Variants in DEFB116 observed in about 807,000 individuals in gnomAD.
DEFB116 encodes defensin beta 116, also known as beta-defensin 116.
DEFB116 carries 5 observed loss-of-function variants against 2.8 expected under a neutral mutation model. The observed-to-expected ratio is 1.80, with a 90% confidence interval of 0.94 to 3.79. The LOEUF (loss-of-function observed/expected upper bound fraction) is 3.79, where lower values mean the gene tolerates loss of function less well. Ranked by LOEUF, DEFB116 falls within the 30% of genes most tolerant of loss-of-function variation. DEFB116 has a pLI of 0.00. For missense variants in DEFB116, 170 were observed against 118.0 expected (o/e 1.44, Z -2.04); for synonymous variants, 56 against 40.8 (o/e 1.37, Z -1.42).
chr20:31,308,445 A>C, intron 1 of DEFB116, 74 bp downstream of exon 1: 2 of 1,451,148 alleles, frequency 1.4e-6, no homozygotes, highest in Non-Finnish European at 9.7e-7. Flanking sequence ...TGTGAGTAGG[A>C]GTCACTGCAG....
At chr20:31,306,811 A>G (rs1363293478) in intron 1 of DEFB116, among the ~76,000 whole-genome samples, 1 of 152,106 alleles carries the variant, frequency 6.6e-6, no homozygotes, top group Non-Finnish European at 1.5e-5. Flanking sequence ...GACTGCTCCC[A>G]TATCTCTCTG....
At chr20:31,305,691 T>C (rs1258974602) in intron 1 of DEFB116, among the ~76,000 whole-genome samples, 1 of 151,944 alleles carries the variant, frequency 6.6e-6, no homozygotes, top group Non-Finnish European at 1.5e-5. Context: ...CCATGCTATA[T>C]TTTAACCCTC....
intron 1 of DEFB116, among the ~76,000 whole-genome samples, chr20:31,306,432 G>C (rs1192772856): frequency 2.0e-5 from 3 of 152,270 alleles, no homozygotes; most frequent in South Asian, 4.1e-4. Flanking sequence ...ATTCTGCCAA[G>C]TAAAAGTACT....
chr20:31,307,278 G>A (rs1292770170), intron 1 of DEFB116, among the ~76,000 whole-genome samples: 2 of 152,036 alleles, frequency 1.3e-5, no homozygotes, highest in African/African-American at 4.8e-5. Flanking sequence ...TTAACTATAG[G>A]AACTGTGTTG....
intron 1 of DEFB116, 129 bp downstream of exon 1, chr20:31,308,390 T>C (rs575663310): frequency 1.2e-6 from 1 of 813,664 alleles, no homozygotes; most frequent in Non-Finnish European, 2.1e-6. Context: ...ATAACATCTG[T>C]GACCCACCTG....
At chr20:31,304,900 T>C (rs936469236) in intron 1 of DEFB116, among the ~76,000 whole-genome samples, 1 of 152,108 alleles carries the variant, frequency 6.6e-6, no homozygotes, top group Non-Finnish European at 1.5e-5. Context: ...ATGAATACTT[T>C]GCTAATTTTT....
At chr20:31,306,336 T>C (rs916343562) in intron 1 of DEFB116, among the ~76,000 whole-genome samples, 10 of 152,174 alleles carry the variant, frequency 6.6e-5, no homozygotes, top group African/African-American at 1.9e-4. Flanking sequence ...TTTAATTTCA[T>C]ATGCATACAT....
At chr20:31,307,923 C>T (rs1389196442) in intron 1 of DEFB116, among the ~76,000 whole-genome samples, 1 of 151,922 alleles carries the variant, frequency 6.6e-6, no homozygotes, top group Admixed American at 6.6e-5. Flanking sequence ...AGCCACCCAA[C>T]CCCATTCACA....
intron 1 of DEFB116, among the ~76,000 whole-genome samples, chr20:31,304,522 A>G (rs1418316979): frequency 6.6e-6 from 1 of 152,090 alleles, no homozygotes; most frequent in Non-Finnish European, 1.5e-5. Context: ...GCATTCTCAT[A>G]GCTTATACTT....
chr20:31,303,971 A>G (rs190621329), intron 1 of DEFB116, among the ~76,000 whole-genome samples: 5 of 152,252 alleles, frequency 3.3e-5, no homozygotes, highest in Non-Finnish European at 7.4e-5. Context: ...TCTGAAACAT[A>G]GGAGCAAACA....
rs112694212 is a variant in DEFB116 at position 31,303,434 on chromosome 20, G to A, written c.87C>T (p.His29=). 5.6e-6 allele frequency: 9 copies of A among 1,613,376 alleles called. No individual in the cohort carries two copies. In the African/African-American group the frequency reaches 1.1e-4, roughly 19 times the overall value. Residue 29 remains histidine (H), a synonymous_variant, in exon 2 of 2, where the codon CAC becomes CAT. Transcript: ENST00000400549. ...QKTPGGLFRS[H]NGKSREPWNP... The stretch of plus-strand genomic sequence containing the variant: ...TCCAAGGCTCTCGGCTCTTGCCATT[G>A]TGGGATCTGAACAGGCCACCTGGGA...
At chr20:31,304,486 G>A (rs1984949454) in intron 1 of DEFB116, among the ~76,000 whole-genome samples, 1 of 152,016 alleles carries the variant, frequency 6.6e-6, no homozygotes, top group Admixed American at 6.6e-5. Context: ...AGACACTGAG[G>A]CTCAAAGAGA....
chr20:31,304,101 A>C (rs1984941972), intron 1 of DEFB116, among the ~76,000 whole-genome samples: 1 of 152,104 alleles, frequency 6.6e-6, no homozygotes, highest in African/African-American at 2.4e-5. Flanking sequence ...TCACAGATCC[A>C]CATTCTCACA....
At chr20:31,305,779 T>A (rs6061163) in intron 1 of DEFB116, among the ~76,000 whole-genome samples, 128,013 of 151,952 alleles carry the variant, frequency 0.84, 53,993 homozygotes, top group African/African-American at 0.89. Context: ...TGTGTTTGTG[T>A]AAAAAAGAGG....
At chr20:31,303,657 T>C (rs1016774645) in intron 1 of DEFB116, among the ~76,000 whole-genome samples, 3 of 152,162 alleles carry the variant, frequency 2.0e-5, no homozygotes, top group Non-Finnish European at 4.4e-5. Context: ...CATTGCATCA[T>C]CTTCACAACA....
Position 31,303,282 on chromosome 20 carries a change from T to G in DEFB116, c.239A>C (p.Asn80Thr). 1 of 1,613,582 alleles carries G rather than the reference T, an allele frequency of 6.2e-7. No homozygotes were observed. Among genetic ancestry groups the G allele is most frequent in the Non-Finnish European group, 8.5e-7 (1 of 1,179,562 alleles). ...GTTAGAGTCGTAATCCTCCTTCACATTTTTAGAACTGGTTATTTTCACAGA... is the reference window on the plus strand; with the variant it reads ...GTTAGAGTCGTAATCCTCCTTCACAGTTTTAGAACTGGTTATTTTCACAGA... ...KLSVKITSSK[N>T]VKEDYDSNSN... is the part of the protein sequence containing the mutation. The change falls in exon 2 of 2, where the codon AAT becomes ACT. Residue 80 changes from asparagine to threonine, a missense_variant. By Grantham distance (65) the Asn-to-Thr change is moderately conservative (BLOSUM62 0). Coordinates refer to ENST00000400549, the MANE Select transcript of DEFB116 (RefSeq NM_001037731.1).
At chr20:31,305,147 G>A (rs1351497110) in intron 1 of DEFB116, among the ~76,000 whole-genome samples, 1 of 151,988 alleles carries the variant, frequency 6.6e-6, no homozygotes, top group African/African-American at 2.4e-5. Flanking sequence ...CCAGCACAAT[G>A]ATATCACTGT....
At chr20:31,307,923 C>A (rs1389196442) in intron 1 of DEFB116, among the ~76,000 whole-genome samples, 1 of 151,922 alleles carries the variant, frequency 6.6e-6, no homozygotes, top group Non-Finnish European at 1.5e-5. Context: ...AGCCACCCAA[C>A]CCCATTCACA....
rs1251524553 is a variant in DEFB116 at position 31,303,401 on chromosome 20, A to C, written c.120T>G (p.Cys40Trp). ...NGKSREPWNP[C>W]ELYQGMCRNA... ...TTCTGCACATGCCTTGGTAAAGCTC[A>C]CATGGATTCCAAGGCTCTCGGCTCT... Residue 40 changes from cysteine to tryptophan, a missense_variant, in exon 2 of 2, where the codon TGT (cysteine) becomes TGG (tryptophan). Transcript: ENST00000400549. 6.2e-7 allele frequency: 1 copy of C among 1,613,550 alleles called. No individual in the cohort carries two copies. The highest frequency in any genetic ancestry group is 2.2e-5 in the East Asian group (1 of 44,866).
Sources: allele counts gnomAD v4.1 joint callset (sites outside exome capture counted in the v4.1 genomes callset), GRCh38; gene constraint gnomAD v4.1.1; transcripts MANE v1.5; gene names NCBI Gene and HGNC (gene_info 2026-07-23, HGNC 2026-07-21).